The following ANO4 variants were observed in gnomAD, a reference collection of about 807,000 sequenced individuals.
ANO4 encodes the protein anoctamin-4.
Under a neutral mutation model 141.9 loss-of-function variants are expected in ANO4, and 69 were observed. The ratio of observed to expected loss-of-function variants is 0.49; its 90% CI spans 0.40 to 0.59. ANO4 has a LOEUF of 0.59. Among genes scored for constraint, ANO4 ranks in the 20% least tolerant of loss-of-function variants. The pLI is 0.00. For missense variants in ANO4, 894 were observed against 1,162.2 expected (o/e 0.77, Z 3.36); for synonymous variants, 350 against 394.3 (o/e 0.89, Z 1.33).
At chr12:100,832,025 C>A (rs2036658577) in intron 1 of ANO4, among the ~76,000 whole-genome samples, 1 of 152,062 alleles carries the variant, frequency 6.6e-6, no homozygotes, top group Admixed American at 6.6e-5. Flanking sequence ...AGTTAACAAT[C>A]CTTAAATCTG....
chr12:101,008,684 A>G (rs1410919981), intron 8 of ANO4, among the ~76,000 whole-genome samples: 8 of 152,058 alleles, frequency 5.3e-5, no homozygotes, highest in South Asian at 4.1e-4. Flanking sequence ...AAAATTTTCT[A>G]TGTACCTATT....
intron 1 of ANO4, among the ~76,000 whole-genome samples, chr12:100,824,320 A>G (rs2036214001): frequency 6.6e-6 from 1 of 152,052 alleles, no homozygotes; most frequent in Non-Finnish European, 1.5e-5. Context: ...TGTTTGTTGA[A>G]TGAGTAAAAG....
chr12:100,889,362 G>A (rs1287337283), intron 1 of ANO4, among the ~76,000 whole-genome samples: 1 of 152,098 alleles, frequency 6.6e-6, no homozygotes, highest in African/African-American at 2.4e-5. Context: ...TGTCTTTATA[G>A]CAGCATGATT....
Position 100,829,045 on chromosome 12 carries a change from ACTTTGAT to A in ANO4, c.-141+34022_-141+34028del, listed in dbSNP as rs1408341753. 4.6e-5 allele frequency among the ~76,000 whole-genome samples: 7 copies of A among 151,890 alleles called. No individual in the cohort carries two copies. In the South Asian group the frequency reaches 8.3e-4, roughly 18 times the overall value. On this transcript the variant is annotated intron_variant, in intron 1 of 27. Transcript: ENST00000392977. ...AAAAAAAAAAAAAAGCTTAATTTAA[ACTTTGAT>A]CTTAGGATGAAATACCCTCATAGTG...
At chr12:101,058,803 T>C (rs2048231864) in intron 14 of ANO4, among the ~76,000 whole-genome samples, 1 of 152,136 alleles carries the variant, frequency 6.6e-6, no homozygotes, top group Admixed American at 6.5e-5. Context: ...TCATGTCATC[T>C]GCAAATAGAG....
intron 1 of ANO4, among the ~76,000 whole-genome samples, chr12:100,889,232 A>G (rs1469497539): frequency 6.6e-6 from 1 of 152,102 alleles, no homozygotes; most frequent in Non-Finnish European, 1.5e-5. Flanking sequence ...ATGGCTGCAT[A>G]GTATTCCATG....
intron 5 of ANO4, among the ~76,000 whole-genome samples, 166 bp from the exon 6 acceptor site, chr12:100,971,140 G>T: frequency 6.6e-6 from 1 of 152,242 alleles, no homozygotes; most frequent in Non-Finnish European, 1.5e-5. Context: ...CACACAGTGG[G>T]ATGTTTGTTA....
At chr12:101,120,892 TA>T (rs1214225653) in intron 26 of ANO4, among the ~76,000 whole-genome samples, 2 of 152,208 alleles carry the variant, frequency 1.3e-5, no homozygotes, top group African/African-American at 4.8e-5. Context: ...CCATAGTTCT[TA>T]AACTTTAGCA....
At chr12:100,884,280 G>A (rs908214387) in intron 1 of ANO4, among the ~76,000 whole-genome samples, 1 of 152,140 alleles carries the variant, frequency 6.6e-6, no homozygotes, top group Non-Finnish European at 1.5e-5. Flanking sequence ...AAATTTTTAG[G>A]CTTCTCTGAA....
intron 17 of ANO4, among the ~76,000 whole-genome samples, chr12:101,088,681 C>G (rs2049609744): frequency 6.6e-6 from 1 of 151,952 alleles, no homozygotes; most frequent in Admixed American, 6.6e-5. Flanking sequence ...AAAAATATGG[C>G]CAGGCACTGT....
At chr12:101,029,581 T>C (rs550807389) in intron 9 of ANO4, among the ~76,000 whole-genome samples, 2 of 151,894 alleles carry the variant, frequency 1.3e-5, no homozygotes, top group East Asian at 3.9e-4. Context: ...AAAGACAAGG[T>C]CATTAAATAA....
At chr12:100,926,550 G>A (rs1262907998) in intron 3 of ANO4, among the ~76,000 whole-genome samples, 1 of 151,950 alleles carries the variant, frequency 6.6e-6, no homozygotes, top group Non-Finnish European at 1.5e-5. Context: ...AAAACAACTT[G>A]ATTGCTTTTT....
rs550402157 is a variant in ANO4 at position 100,890,937 on chromosome 12, T to G, written c.-140-10709T>G. Reference sequence around the variant, plus strand: ...ATTGCCCTAAAAATCCCTTGTGCTCTGCCTATTTCTCCCTCCTTTCTTCTT... The same window carrying G: ...ATTGCCCTAAAAATCCCTTGTGCTCGGCCTATTTCTCCCTCCTTTCTTCTT... On this transcript the variant is annotated intron_variant, in intron 1 of 27. Transcript: ENST00000392977. Among the ~76,000 whole-genome samples, 36 of 152,334 alleles carry G rather than the reference T, an allele frequency of 2.4e-4. 1 individual carries two copies. The South Asian group carries it at 5.0e-3, about 21-fold the overall frequency.
At chr12:100,736,476 T>C (rs1167087410) in intron 2 of ANO4, among the ~76,000 whole-genome samples, 3 of 152,130 alleles carry the variant, frequency 2.0e-5, no homozygotes, top group Admixed American at 6.5e-5. Flanking sequence ...GCCCAGGTCA[T>C]TGGGCTCCTA....
chr12:100,780,860 A>G (rs1024313374), intron 3 of ANO4, among the ~76,000 whole-genome samples: 3 of 152,188 alleles, frequency 2.0e-5, no homozygotes, highest in Non-Finnish European at 4.4e-5. Context: ...TAAAATTTTT[A>G]GGTGTTAATA....
At chr12:100,733,684 G>A in intron 1 of ANO4, 1 of 625,906 alleles carries the variant, frequency 1.6e-6, no homozygotes, top group South Asian at 1.8e-5. Context: ...AAGGAGAGCT[G>A]GTTTATTTAC....
At chr12:101,126,452 A>G (rs560300914) in intron 26 of ANO4, among the ~76,000 whole-genome samples, 1 of 152,328 alleles carries the variant, frequency 6.6e-6, no homozygotes, top group South Asian at 2.1e-4. Context: ...TTGACAGTCT[A>G]CAAGGCATTT....
intron 4 of ANO4, 151 bp from the exon 5 acceptor site, chr12:100,942,226 G>A (rs1399179077): frequency 8.2e-6 from 6 of 729,064 alleles, no homozygotes; most frequent in Non-Finnish European, 1.3e-5. Context: ...TGATCCACCC[G>A]CCTCGGCCTC....
At chr12:100,806,600 C>T (rs1455925833) in intron 1 of ANO4, among the ~76,000 whole-genome samples, 2 of 118,916 alleles carry the variant, frequency 1.7e-5, no homozygotes, top group East Asian at 3.0e-4. Context: ...GCTGGAGTGC[C>T]GTGGCGTGAT....
Sources: allele counts gnomAD v4.1 joint callset (sites outside exome capture counted in the v4.1 genomes callset), GRCh38; gene constraint gnomAD v4.1.1; transcripts MANE v1.5; gene names NCBI Gene and HGNC (gene_info 2026-07-23, HGNC 2026-07-21).